KCTD3: variants seen among roughly 807,000 people sequenced by gnomAD.
The protein encoded by KCTD3 is BTB/POZ domain-containing protein KCTD3.
In KCTD3, 41 loss-of-function variants were observed where a neutral mutation model predicts 85.8. The observed-to-expected ratio is 0.48, with a 90% CI of 0.37 to 0.62. The LOEUF is 0.62. Ranked by LOEUF, KCTD3 falls within the 20% of genes least tolerant of loss-of-function variation. The probability of loss-of-function intolerance (pLI) is 0.00; values close to 1 mark genes in which losing one functional copy is unlikely to be tolerated. For synonymous variants in KCTD3, 338 were observed against 345.4 expected (o/e 0.98, Z 0.24); for missense variants, 724 against 989.9 (o/e 0.73, Z 3.60).
Position 215,618,877 on chromosome 1 carries a change from C to G in KCTD3, c.1563-9C>G. On this transcript the variant is annotated splice_polypyrimidine_tract_variant and intron_variant, in intron 15 of 17. Coordinates refer to ENST00000259154, the MANE Select transcript of KCTD3 (RefSeq NM_016121.5). ...TCCCATCAGGGCTCTTTCTGCTTTT[C>G]TTTTGCAGAATATGTGAGATCCAGG... 6.4e-7 allele frequency: 1 copy of G among 1,567,974 alleles called. No individual in the cohort carries two copies. The highest frequency in any genetic ancestry group is 2.2e-5 in the Admixed American group (1 of 46,436).
intron 12 of KCTD3, among the ~76,000 whole-genome samples, chr1:215,603,752 G>A (rs1229931954): frequency 6.6e-6 from 1 of 152,032 alleles, no homozygotes; most frequent in African/African-American, 2.4e-5. Context: ...GAGTACCTGC[G>A]GTGTCTCAGG....
intron 6 of KCTD3, among the ~76,000 whole-genome samples, chr1:215,578,282 A>G (rs950284505): frequency 2.0e-5 from 3 of 152,188 alleles, no homozygotes; most frequent in African/African-American, 7.2e-5. Flanking sequence ...TTCTGTAAAG[A>G]GCCAGATAGA....
chr1:215,586,403 TGTTG>T, intron 8 of KCTD3, 88 bp from the exon 9 acceptor site: 1 of 1,080,026 alleles, frequency 9.3e-7, no homozygotes, highest in Non-Finnish European at 1.3e-6. Flanking sequence ...TTTTGTTTTT[TGTTG>T]TTGTTTTTTG....
intron 15 of KCTD3, among the ~76,000 whole-genome samples, chr1:215,613,197 A>C (rs1655297149): frequency 6.6e-6 from 1 of 152,248 alleles, no homozygotes; most frequent in Non-Finnish European, 1.5e-5. Context: ...TCCTGTTAAT[A>C]GTCCATTAGG....
chr1:215,601,762 T>A, intron 10 of KCTD3, 105 bp from the exon 11 acceptor site: 2 of 658,330 alleles, frequency 3.0e-6, no homozygotes, highest in Non-Finnish European at 5.3e-6. Flanking sequence ...TAAAATTGGA[T>A]ATTGGTTGCC....
chr1:215,577,119 C>T (rs1364825689), intron 4 of KCTD3, among the ~76,000 whole-genome samples: 1 of 151,216 alleles, frequency 6.6e-6, no homozygotes, highest in Non-Finnish European at 1.5e-5. Flanking sequence ...TAACATAGCC[C>T]TTCCCAAGGC....
intron 12 of KCTD3, among the ~76,000 whole-genome samples, chr1:215,602,423 T>TA (rs2102590857): frequency 6.6e-6 from 1 of 151,990 alleles, no homozygotes; most frequent in East Asian, 1.9e-4. Context: ...GAACTCCCCT[T>TA]ACGCTGAATT....
Position 215,618,912 on chromosome 1 carries a change from G to A in KCTD3, c.1589G>A (p.Cys530Tyr). Residue 530 changes from cysteine to tyrosine, a missense_variant, in exon 16 of 18, where the codon TGT becomes TAT. By Grantham distance (194) the Cys-to-Tyr change is radical (BLOSUM62 -2). Coordinates refer to ENST00000259154, the MANE Select transcript of KCTD3 (RefSeq NM_016121.5). ...KRICEIQAVD[C>Y]TTISSFTVRE... Reference sequence around the variant, plus strand: ...ATATGTGAGATCCAGGCTGTTGACTGTACTACAATATCCTCATTTACAGTG... The same window carrying A: ...ATATGTGAGATCCAGGCTGTTGACTATACTACAATATCCTCATTTACAGTG... 1.2e-6 allele frequency: 2 copies of A among 1,611,860 alleles called. No individual in the cohort carries two copies. Among genetic ancestry groups the A allele is most frequent in the Non-Finnish European group, 1.7e-6 (2 of 1,179,474 alleles).
intron 13 of KCTD3, among the ~76,000 whole-genome samples, chr1:215,607,184 A>G (rs750167999): frequency 6.6e-6 from 1 of 151,980 alleles, no homozygotes; most frequent in Non-Finnish European, 1.5e-5. Context: ...ATGTGTGTAT[A>G]TAAGAAATTT....
chr1:215,588,560 G>A (rs547663547), intron 9 of KCTD3, among the ~76,000 whole-genome samples: 12 of 152,154 alleles, frequency 7.9e-5, no homozygotes, highest in Admixed American at 3.3e-4. Flanking sequence ...TTTACCAAAC[G>A]TTGCTTTGCA....
intron 9 of KCTD3, among the ~76,000 whole-genome samples, chr1:215,586,917 T>C (rs545033267): frequency 1.3e-5 from 2 of 152,216 alleles, no homozygotes; most frequent in Non-Finnish European, 2.9e-5. Flanking sequence ...TATGAAAATA[T>C]TGCTTTTCCT....
chr1:215,595,599 G>GAATAAATATT, intron 10 of KCTD3, 128 bp downstream of exon 10: 1 of 577,508 alleles, frequency 1.7e-6, no homozygotes, highest in Non-Finnish European at 3.0e-6. Flanking sequence ...TAAATGTAGT[G>GAATAAATATT]GTAAATTTTT....
At chr1:215,587,133 CTT>C (rs36018872) in intron 9 of KCTD3, among the ~76,000 whole-genome samples, 24 of 142,166 alleles carry the variant, frequency 1.7e-4, no homozygotes, top group Admixed American at 1.4e-4. Context: ...CTTTTTTTTC[CTT>C]TTTTTTTTTT....
chr1:215,616,245 G>C (rs1655444866), intron 15 of KCTD3, among the ~76,000 whole-genome samples: 1 of 152,096 alleles, frequency 6.6e-6, no homozygotes, highest in Non-Finnish European at 1.5e-5. Flanking sequence ...ACAGGACTCT[G>C]AGGAGGGAGT....
chr1:215,620,485 A>G lies in KCTD3; in HGVS notation c.2315A>G (p.Tyr772Cys), dbSNP rs1370755980. ...TTCCTTGGAAGAAAGAAAGTTCCCT[A>G]TCTGGCGTCATCACCAAGTACTTCC... The part of the protein sequence containing the change: ...GGFLGRKKVP[Y>C]LASSPSTSDG... Residue 772 changes from tyrosine (Y) to cysteine (C), a missense_variant, in exon 18 of 18, where the codon TAT becomes TGT. Transcript: ENST00000259154. The G allele has an allele frequency of 3.7e-6, 6 of 1,613,770 alleles. No individual in the cohort carries two copies. Among genetic ancestry groups the G allele is most frequent in the South Asian group, 3.3e-5 (3 of 91,080 alleles).
intron 15 of KCTD3, among the ~76,000 whole-genome samples, chr1:215,614,034 T>C (rs1655336607): frequency 7.3e-6 from 1 of 137,256 alleles, no homozygotes; most frequent in South Asian, 2.3e-4. Context: ...TTTTTTTTTT[T>C]TTTTTTTTTT....
Position 215,620,671 on chromosome 1 carries a change from T to G in KCTD3, c.*53T>G, listed in dbSNP as rs746751650. The G allele has an allele frequency of 2.9e-5, 37 of 1,281,858 alleles. No individual in the cohort carries two copies. Among genetic ancestry groups the G allele is most frequent in the African/African-American group, 4.5e-5 (3 of 67,056 alleles). 79.4% of individuals were successfully genotyped at this position (1,281,858 alleles called of 1,614,324 possible). A position where few individuals can be genotyped will look rare whatever the true frequency, so the allele number is the denominator to read the frequency against. On this transcript the variant is annotated 3_prime_UTR_variant, in exon 18 of 18. Coordinates refer to ENST00000259154, the MANE Select transcript of KCTD3 (RefSeq NM_016121.5). ...GTTACATTTAGATGAAAGTTAAACTTTACTGAATTTCAGTACATTAGTTTT... is the reference window on the plus strand; with the variant it reads ...GTTACATTTAGATGAAAGTTAAACTGTACTGAATTTCAGTACATTAGTTTT...
At chr1:215,571,877 C>A (rs958364871) in intron 1 of KCTD3, among the ~76,000 whole-genome samples, 1 of 152,186 alleles carries the variant, frequency 6.6e-6, no homozygotes, top group Non-Finnish European at 1.5e-5. Flanking sequence ...GTGATCTGCC[C>A]GCCTCGGCCT....
At chr1:215,580,399 TG>T (rs2102561893) in intron 8 of KCTD3, among the ~76,000 whole-genome samples, 1 of 152,324 alleles carries the variant, frequency 6.6e-6, no homozygotes, top group South Asian at 2.1e-4. Context: ...GAGAGTACAT[TG>T]GTCATAAATA....
Sources: allele counts gnomAD v4.1 joint callset (sites outside exome capture counted in the v4.1 genomes callset), GRCh38; gene constraint gnomAD v4.1.1; transcripts MANE v1.5; gene names NCBI Gene and HGNC (gene_info 2026-07-23, HGNC 2026-07-21).